Variants in NRCAM observed in about 807,000 individuals in gnomAD.
NRCAM encodes the protein NgCAM-related cell adhesion molecule.
NRCAM carries 83 observed loss-of-function variants against 156.5 expected under a neutral mutation model. That is an observed-to-expected ratio of 0.53 (90% CI 0.44 to 0.64). The LOEUF (loss-of-function observed/expected upper bound fraction) is 0.64, where lower values mean the gene tolerates loss of function less well. NRCAM is among the 30% of genes least tolerant of loss of function. The pLI, the probability that NRCAM is intolerant of heterozygous loss-of-function variation, is 0.00. For missense variants in NRCAM, 1,417 were observed against 1,597.3 expected, an observed-to-expected ratio of 0.89 and a Z score of 1.92; for synonymous variants, 538 against 563.9, an observed-to-expected ratio of 0.95 and a Z score of 0.65.
chr7:108,283,072 T>C (rs1209013296), intron 3 of NRCAM, among the ~76,000 whole-genome samples: 1 of 31,338 alleles, frequency 3.2e-5, no homozygotes, highest in Non-Finnish European at 6.1e-5. Flanking sequence ...CTTTCTGTAA[T>C]CAAAGTTAAA....
chr7:108,445,740 A>G (rs1224898250), intron 1 of NRCAM, among the ~76,000 whole-genome samples: 1 of 152,134 alleles, frequency 6.6e-6, no homozygotes, highest in Non-Finnish European at 1.5e-5. Flanking sequence ...AGTTCTTCTC[A>G]AATTTTAATT....
intron 20 of NRCAM, 55 bp from the exon 21 acceptor site, chr7:108,184,669 G>A (rs1384833937): frequency 8.7e-6 from 13 of 1,500,662 alleles, no homozygotes; most frequent in African/African-American, 1.4e-5. Flanking sequence ...TCAACTCAGG[G>A]GTAGCTGCCA....
intron 2 of NRCAM, among the ~76,000 whole-genome samples, chr7:108,347,043 T>TTG: frequency 7.3e-6 from 1 of 137,904 alleles, no homozygotes; most frequent in Middle Eastern, 3.6e-3. Context: ...TTTTTTTTTT[T>TTG]TTTTTTTTTT....
At chr7:108,436,186 C>A (rs1370599735) in intron 1 of NRCAM, among the ~76,000 whole-genome samples, 1 of 152,096 alleles carries the variant, frequency 6.6e-6, no homozygotes, top group Non-Finnish European at 1.5e-5. Context: ...GTATACCACC[C>A]TTCCTCTCTC....
chr7:108,330,475 T>C (rs929666), intron 2 of NRCAM, among the ~76,000 whole-genome samples: 2,617 of 152,228 alleles, frequency 0.017, 76 homozygotes, highest in African/African-American at 0.06. Flanking sequence ...AAACACGAAA[T>C]GTTTCTGCAG....
In NRCAM at chr7:108,383,594, C is replaced by T. The variant is rs115967394; in HGVS notation, c.-174+15842G>A. Among the ~76,000 whole-genome samples the T allele has an allele frequency of 1.0e-3, 158 of 152,140 alleles. 1 individual carries two copies. The highest frequency in any genetic ancestry group is 3.5e-3 in the African/African-American group (147 of 41,522). On this transcript the variant is annotated intron_variant, in intron 2 of 32. Coordinates refer to ENST00000379028, the MANE Select transcript of NRCAM (RefSeq NM_001037132.4). ...CCAAGGGCAGTCATCTGGCTCATGG[C>T]GAATAGATCTAACTCTTGGCTACTT...
intron 3 of NRCAM, among the ~76,000 whole-genome samples, chr7:108,252,708 T>C (rs1013835141): frequency 4.6e-5 from 7 of 152,180 alleles, no homozygotes; most frequent in Admixed American, 1.3e-4. Flanking sequence ...AGTTCTTCTG[T>C]ACAGATTTTA....
chr7:108,294,533 G>A (rs992219367), intron 3 of NRCAM, among the ~76,000 whole-genome samples: 1 of 152,176 alleles, frequency 6.6e-6, no homozygotes, highest in African/African-American at 2.4e-5. Flanking sequence ...CACTGTCCCT[G>A]CCTTGAAGGA....
Position 108,150,077 on chromosome 7 carries a change from CTT to C in NRCAM, c.3746_3747del (p.Glu1249GlyfsTer2), listed in dbSNP as rs1246394919. 2 of 1,614,068 alleles carry C rather than the reference CTT, an allele frequency of 1.2e-6. No individual in the cohort carries two copies. Among genetic ancestry groups the C allele is most frequent in the Admixed American group, 3.3e-5 (2 of 60,020 alleles). The part of the protein sequence containing the change: ...RTPSDRTVKK[E>X]DSDDSLVDYG... ...TAGTCAACTAGGCTGTCGTCACTAT[CTT>C]CTTTTTTCACAGTCCTGTCTGAAGG... is the stretch of plus-strand genomic sequence containing the variant. On this transcript the variant is annotated frameshift_variant, in exon 33 of 33. Coordinates refer to ENST00000379028, the MANE Select transcript of NRCAM (RefSeq NM_001037132.4). LOFTEE classifies it high-confidence loss of function.
intron 2 of NRCAM, among the ~76,000 whole-genome samples, chr7:108,388,748 G>A (rs897686290): frequency 6.6e-6 from 1 of 152,168 alleles, no homozygotes; most frequent in Non-Finnish European, 1.5e-5. Context: ...AAGGTGTAAG[G>A]AAGGGATTCA....
intron 3 of NRCAM, among the ~76,000 whole-genome samples, chr7:108,261,202 T>G (rs2096875920): frequency 1.3e-5 from 2 of 152,218 alleles, no homozygotes; most frequent in South Asian, 4.1e-4. Flanking sequence ...AGTTTCTTCT[T>G]TAATAAGATT....
At position 108,238,768 on chromosome 7, in the gene NRCAM, T is replaced by C. The variant is rs530873445; in HGVS notation, c.107-999A>G. 2.3e-4 allele frequency among the ~76,000 whole-genome samples: 35 copies of C among 152,218 alleles called. No individual in the cohort carries two copies. In the Middle Eastern group the frequency reaches 0.01, roughly 44 times the overall value. ...AAGCAATTGTATATTTTTTTGAAAA[T>C]TGAAATTAAGGTCACTGGATGAATT... is the stretch of plus-strand genomic sequence containing the variant. On this transcript the variant is annotated intron_variant, in intron 4 of 32. Coordinates refer to ENST00000379028, the MANE Select transcript of NRCAM (RefSeq NM_001037132.4).
chr7:108,248,879 C>G (rs576008785), intron 3 of NRCAM, among the ~76,000 whole-genome samples: 2 of 152,216 alleles, frequency 1.3e-5, no homozygotes, highest in African/African-American at 4.8e-5. Flanking sequence ...ATCTGAAGTG[C>G]TTTTTCTGGA....
In NRCAM at chr7:108,180,304, A is replaced by G. The variant is rs2062759997; in HGVS notation, c.2770T>C (p.Tyr924His). ...MLPGLEPFSHYTLNVRVVNGK... is the reference protein window; with the variant it reads ...MLPGLEPFSHHTLNVRVVNGK... ...TTGACCACTCGGACATTCAGTGTGT[A>G]GTGGCTAAAGGGCTCTAGCCCCGGC... Residue 924 changes from tyrosine to histidine, a missense_variant, in exon 25 of 33, where the codon TAC becomes CAC. Tyr to His is a moderately conservative substitution (Grantham distance 83, BLOSUM62 2). Transcript: ENST00000379028. 6.2e-7 allele frequency: 1 copy of G among 1,614,214 alleles called. No homozygotes were observed. The highest frequency in any genetic ancestry group is 1.7e-5 in the Admixed American group (1 of 60,024).
At chr7:108,184,648 C>A (rs1398609385) in intron 20 of NRCAM, 34 bp from the exon 21 acceptor site, 5 of 1,588,078 alleles carry the variant, frequency 3.1e-6, no homozygotes, top group Non-Finnish European at 8.6e-7. Context: ...AACCCAAGAC[C>A]GTGAATTCAG....
At chr7:108,450,557 A>G (rs1849139223) in intron 1 of NRCAM, among the ~76,000 whole-genome samples, 1 of 151,806 alleles carries the variant, frequency 6.6e-6, no homozygotes, top group African/African-American at 2.4e-5. Context: ...CTATTTTCAG[A>G]TATGAGGCAA....
intron 25 of NRCAM, among the ~76,000 whole-genome samples, chr7:108,179,831 T>G (rs60548707): frequency 0.027 from 4,093 of 152,256 alleles, 176 homozygotes; most frequent in African/African-American, 0.093. Context: ...TTTCCAGGTG[T>G]TTTTGTTAGG....
At position 108,298,135 on chromosome 7, in the gene NRCAM, G is replaced by A. The variant is rs193101758; in HGVS notation, c.-107+14530C>T. Among the ~76,000 whole-genome samples the A allele has an allele frequency of 9.2e-5, 14 of 152,022 alleles. No homozygotes were observed. The East Asian group carries it at 2.5e-3, about 27-fold the overall frequency. ...GGAGATCATTAATAAAACTAAATAC[G>A]GATTTAAATAAAATCCACGTTGCAA... On this transcript the variant is annotated intron_variant, in intron 3 of 32. Coordinates refer to ENST00000379028, the MANE Select transcript of NRCAM (RefSeq NM_001037132.4).
chr7:108,228,894 T>C (rs1243662442), intron 8 of NRCAM, among the ~76,000 whole-genome samples: 4 of 152,222 alleles, frequency 2.6e-5, no homozygotes, highest in Non-Finnish European at 5.9e-5. Flanking sequence ...TTTATTTCTT[T>C]GTGTTACTTT....
Sources: allele counts gnomAD v4.1 joint callset (sites outside exome capture counted in the v4.1 genomes callset), GRCh38; gene constraint gnomAD v4.1.1; transcripts MANE v1.5; gene names NCBI Gene and HGNC (gene_info 2026-07-23, HGNC 2026-07-21).